OPCML: variants seen among roughly 807,000 people sequenced by gnomAD.
OPCML encodes the protein opioid-binding protein/cell adhesion molecule.
Under a neutral mutation model 37.8 loss-of-function variants are expected in OPCML, and 13 were observed. The observed-to-expected ratio is 0.34, with a 90% CI of 0.22 to 0.55. OPCML has a LOEUF of 0.55. Ranked by LOEUF, OPCML falls within the 20% of genes least tolerant of loss-of-function variation. OPCML has a pLI of 0.91. For synonymous variants in OPCML, 176 were observed against 168.8 expected (o/e 1.04, Z -0.33); for missense variants, 341 against 435.6 (o/e 0.78, Z 1.93).
intron 1 of OPCML, among the ~76,000 whole-genome samples, chr11:133,283,567 A>T (rs1297468596): frequency 1.3e-5 from 2 of 152,138 alleles, no homozygotes; most frequent in African/African-American, 4.8e-5. Flanking sequence ...ACCCAGCCAA[A>T]GGTATTTGTT....
At chr11:133,024,559 C>T in intron 1 of OPCML, 1 of 985,306 alleles carries the variant, frequency 1.0e-6, no homozygotes, top group Non-Finnish European at 1.2e-6. Context: ...AATTCATGTA[C>T]AACAAAGAAC....
chr11:133,189,563 C>A (rs1938220818), intron 1 of OPCML, among the ~76,000 whole-genome samples: 1 of 152,136 alleles, frequency 6.6e-6, no homozygotes, highest in Non-Finnish European at 1.5e-5. Context: ...TCAGGTTGTC[C>A]ATCTCTCATC....
chr11:132,437,257 G>T lies in OPCML; in HGVS notation c.608C>A (p.Ala203Glu), dbSNP rs1012703187. Reference sequence around the variant, plus strand: ...GATTTTTACTTTCCGCACATCGGGCGCAGCGACATCGTTCAACGCGCTGCA... The same window carrying T: ...GATTTTTACTTTCCGCACATCGGGCTCAGCGACATCGTTCAACGCGCTGCA... ...YECSALNDVA[A>E]PDVRKVKITV... The change falls in exon 5 of 8, where the codon GCG becomes GAG. Residue 203 changes from alanine to glutamate, a missense_variant. Transcript: ENST00000524381. 6 of 1,614,028 alleles carry T rather than the reference G, an allele frequency of 3.7e-6. No individual in the cohort carries two copies. The highest frequency in any genetic ancestry group is 5.1e-6 in the Non-Finnish European group (6 of 1,180,008).
chr11:132,712,723 A>G (rs973388169), intron 2 of OPCML, among the ~76,000 whole-genome samples: 25 of 152,198 alleles, frequency 1.6e-4, no homozygotes, highest in African/African-American at 5.3e-4. Flanking sequence ...AATCGGACCC[A>G]CCAAAAAGCA....
At chr11:133,005,411 C>T (rs1443144852) in intron 1 of OPCML, 1 of 985,244 alleles carries the variant, frequency 1.0e-6, no homozygotes, top group African/African-American at 1.7e-5. Flanking sequence ...CTTTTTCACC[C>T]TAACACCCAT....
chr11:133,247,551 T>TCTTTCTTTCTTTCTTTCTTC (rs1940975707), intron 1 of OPCML, among the ~76,000 whole-genome samples: 1 of 139,234 alleles, frequency 7.2e-6, no homozygotes. Flanking sequence ...TTTCTTTCTT[T>TCTTTCTTTCTTTCTTTCTTC]CTTTCTTTCT....
intron 2 of OPCML, among the ~76,000 whole-genome samples, chr11:132,798,481 G>T (rs1337526795): frequency 1.3e-5 from 2 of 152,180 alleles, no homozygotes; most frequent in African/African-American, 4.8e-5. Flanking sequence ...TAGTTGCTAA[G>T]TCATAAGAAG....
chr11:132,827,327 C>T (rs1001852016), intron 2 of OPCML, among the ~76,000 whole-genome samples: 2 of 152,144 alleles, frequency 1.3e-5, no homozygotes, highest in Admixed American at 6.5e-5. Context: ...AAACATCATA[C>T]GTCATGGGAG....
chr11:132,726,653 G>A (rs1031056842), intron 2 of OPCML, among the ~76,000 whole-genome samples: 24 of 152,104 alleles, frequency 1.6e-4, no homozygotes, highest in African/African-American at 3.9e-4. Flanking sequence ...AGCGGGCAGC[G>A]TAAGTGTGTG....
At chr11:132,867,290 T>C (rs1565922249) in intron 2 of OPCML, among the ~76,000 whole-genome samples, 1 of 152,176 alleles carries the variant, frequency 6.6e-6, no homozygotes, top group Admixed American at 6.5e-5. Flanking sequence ...TTCATTAAAA[T>C]GACAAGATGT....
chr11:133,141,224 A>C (rs1949819502), intron 1 of OPCML, among the ~76,000 whole-genome samples: 1 of 151,940 alleles, frequency 6.6e-6, no homozygotes, highest in Non-Finnish European at 1.5e-5. Context: ...TCTCCATTCC[A>C]AGCCGGGCTC....
intron 3 of OPCML, among the ~76,000 whole-genome samples, chr11:132,566,622 A>G (rs1045233576): frequency 6.6e-6 from 1 of 152,238 alleles, no homozygotes; most frequent in Non-Finnish European, 1.5e-5. Flanking sequence ...TGTTCCAGGT[A>G]TTGTGATAAT....
chr11:133,321,046 C>T (rs976843072), intron 1 of OPCML, among the ~76,000 whole-genome samples: 3 of 152,046 alleles, frequency 2.0e-5, no homozygotes, highest in Non-Finnish European at 4.4e-5. Flanking sequence ...AACCCCTCAG[C>T]CATGTCTTCA....
intron 2 of OPCML, among the ~76,000 whole-genome samples, chr11:132,701,781 TG>T (rs1943829568): frequency 2.1e-5 from 3 of 145,614 alleles, no homozygotes; most frequent in Non-Finnish European, 3.0e-5. Flanking sequence ...TGTGTGTGTG[TG>T]TGTGTGTGTG....
At chr11:132,930,268 G>A (rs1945153378) in intron 2 of OPCML, among the ~76,000 whole-genome samples, 1 of 152,114 alleles carries the variant, frequency 6.6e-6, no homozygotes, top group Non-Finnish European at 1.5e-5. Flanking sequence ...AGAGGATGAG[G>A]TGGGAGAATC....
chr11:133,176,715 G>A (rs1937606302), intron 1 of OPCML, among the ~76,000 whole-genome samples: 1 of 152,134 alleles, frequency 6.6e-6, no homozygotes, highest in South Asian at 2.1e-4. Flanking sequence ...CATGCTTCCT[G>A]TACAGCCTGC....
At chr11:133,283,905 T>C (rs1942228336) in intron 1 of OPCML, among the ~76,000 whole-genome samples, 1 of 152,196 alleles carries the variant, frequency 6.6e-6, no homozygotes, top group African/African-American at 2.4e-5. Flanking sequence ...TTTTACTCCT[T>C]TCTAAATTGA....
At chr11:132,676,609 C>T (rs1013045405) in intron 2 of OPCML, among the ~76,000 whole-genome samples, 4 of 151,276 alleles carry the variant, frequency 2.6e-5, no homozygotes, top group Admixed American at 1.3e-4. Flanking sequence ...TCCAGACAAC[C>T]CAATTTAAAA....
chr11:132,572,667 T>G lies in OPCML; in HGVS notation c.380-43481A>C, dbSNP rs558920274. Among the ~76,000 whole-genome samples the G allele has an allele frequency of 5.3e-4, 81 of 152,266 alleles. 1 individual carries two copies. The highest frequency in any genetic ancestry group is 1.9e-3 in the African/African-American group (78 of 41,580). On this transcript the variant is annotated intron_variant, in intron 3 of 7. Coordinates refer to ENST00000524381, the MANE Select transcript of OPCML (RefSeq NM_001012393.5). ...GATTACTATGGCTTCATAAAATATTTTGAAATCAAGAAGTGTGATACCTCC... is the reference window on the plus strand; with the variant it reads ...GATTACTATGGCTTCATAAAATATTGTGAAATCAAGAAGTGTGATACCTCC...
Sources: allele counts gnomAD v4.1 joint callset (sites outside exome capture counted in the v4.1 genomes callset), GRCh38; gene constraint gnomAD v4.1.1; transcripts MANE v1.5; gene names NCBI Gene and HGNC (gene_info 2026-07-23, HGNC 2026-07-21).